The following CYP2U1 variants were observed in gnomAD, a reference collection of about 807,000 sequenced individuals.
CYP2U1 encodes the protein cytochrome P450 2U1.
In CYP2U1, 28 loss-of-function variants were observed where a neutral mutation model predicts 42.8. That is an observed-to-expected ratio of 0.65 (90% CI 0.48 to 0.90). The LOEUF is 0.90. Ranked by LOEUF, CYP2U1 falls within the 40% of genes least tolerant of loss-of-function variation. CYP2U1 has a pLI of 0.00. For synonymous variants in CYP2U1, 296 were observed against 278.9 expected (o/e 1.06, Z -0.61); for missense variants, 642 against 693.8 (o/e 0.93, Z 0.84).
rs1733965171 is a variant in CYP2U1 at position 107,953,093 on chromosome 4, G to C, written c.*2670G>C. 6.6e-6 allele frequency: 1 copy of C among 152,140 alleles called. No homozygotes were observed. The highest frequency in any genetic ancestry group is 2.4e-5 in the African/African-American group (1 of 41,424). 9.4% of individuals were successfully genotyped at this position (152,140 alleles called of 1,614,324 possible). On this transcript the variant is annotated 3_prime_UTR_variant, in exon 5 of 5. Coordinates refer to ENST00000332884, the MANE Select transcript of CYP2U1 (RefSeq NM_183075.3). ...TATGGAATTCATATGCTTTTGAATT[G>C]CACTAATAACTCAGCATTAACAAGT... is the stretch of plus-strand genomic sequence containing the variant.
intron 2 of CYP2U1, among the ~76,000 whole-genome samples, chr4:107,946,795 T>C (rs1733713097): frequency 6.6e-6 from 1 of 152,088 alleles, no homozygotes; most frequent in Non-Finnish European, 1.5e-5. Flanking sequence ...ATATGACTAT[T>C]GGCCAAGTTC....
chr4:107,937,909 C>A (rs1370234805), intron 1 of CYP2U1: 1 of 152,132 alleles, frequency 6.6e-6, no homozygotes, highest in African/African-American at 2.4e-5. Context: ...AGCATATTTT[C>A]ATATTATTAA....
chr4:107,952,727 C>T lies in CYP2U1; in HGVS notation c.*2304C>T, dbSNP rs1400812432. ...TCCTTTGATTTAGCACATTCCTAGG[C>T]AGACTTTTGCAAGCTCAAAAAATGA... On this transcript the variant is annotated 3_prime_UTR_variant, in exon 5 of 5. Coordinates refer to ENST00000332884, the MANE Select transcript of CYP2U1 (RefSeq NM_183075.3). 6.6e-6 allele frequency: 1 copy of T among 152,154 alleles called. No homozygotes were observed. The highest frequency in any genetic ancestry group is 6.5e-5 in the Admixed American group (1 of 15,276). The allele number at this position is 152,154 out of a possible 1,614,324, so 9.4% of individuals were successfully genotyped here.
chr4:107,952,962 T>C lies in CYP2U1; in HGVS notation c.*2539T>C, dbSNP rs1369881253. The stretch of plus-strand genomic sequence containing the variant: ...TTTTGAAAAAGAAAAGCTAATAGCC[T>C]AACTGCAGAGGAACTGAGTGGATGG... On this transcript the variant is annotated 3_prime_UTR_variant, in exon 5 of 5. Transcript: ENST00000332884. 1.3e-5 allele frequency: 2 copies of C among 152,174 alleles called. No individual in the cohort carries two copies. The highest frequency in any genetic ancestry group is 4.8e-5 in the African/African-American group (2 of 41,438). 9.4% of individuals were successfully genotyped at this position (152,174 alleles called of 1,614,324 possible).
chr4:107,938,013 G>T (rs1406593344), intron 1 of CYP2U1: 1 of 152,118 alleles, frequency 6.6e-6, no homozygotes, highest in Non-Finnish European at 1.5e-5. Context: ...GGTTTGAGTT[G>T]GATTTTTATG....
intron 1 of CYP2U1, among the ~76,000 whole-genome samples, chr4:107,941,927 C>A (rs961232770): frequency 1.3e-5 from 2 of 152,190 alleles, no homozygotes; most frequent in Non-Finnish European, 2.9e-5. Flanking sequence ...AAGCCATTGT[C>A]ATTCGTGAAT....
intron 3 of CYP2U1, 100 bp downstream of exon 3, chr4:107,947,637 G>T: frequency 8.5e-7 from 1 of 1,180,624 alleles, no homozygotes; most frequent in South Asian, 1.4e-5. Context: ...TGTCTAGCTT[G>T]ATCCTTCTGA....
chr4:107,931,673 G>T lies in CYP2U1; in HGVS notation c.30G>T (p.Pro10=). ...CGTCTCCGGGGCCGTCGCAGCCGCC[G>T]GCCGAGGACCCGCCCTGGCCCGCGC... is the stretch of plus-strand genomic sequence containing the variant. MSSPGPSQP[P]AEDPPWPARL... is the part of the protein sequence containing the mutation. The change falls in exon 1 of 5, where the codon CCG becomes CCT. Residue 10 remains proline, a synonymous_variant. Transcript: ENST00000332884. The T allele has an allele frequency of 7.9e-7, 1 of 1,264,376 alleles. No individual in the cohort carries two copies. The highest frequency in any genetic ancestry group is 3.1e-5 in the South Asian group (1 of 32,654). 78.3% of individuals were successfully genotyped at this position (1,264,376 alleles called of 1,614,324 possible). A position where few individuals can be genotyped will look rare whatever the true frequency, so the allele number is the denominator to read the frequency against.
intron 1 of CYP2U1, chr4:107,937,999 A>C (rs548780017): frequency 6.6e-6 from 1 of 152,106 alleles, no homozygotes; most frequent in Non-Finnish European, 1.5e-5. Context: ...TCTATACTTT[A>C]TTTGGTTTGA....
Position 107,951,399 on chromosome 4 carries a change from A to G in CYP2U1, c.*976A>G, listed in dbSNP as rs1733899923. The G allele has an allele frequency of 6.6e-6, 1 of 152,196 alleles. No homozygotes were observed. Among genetic ancestry groups the G allele is most frequent in the African/African-American group, 2.4e-5 (1 of 41,442 alleles). 9.4% of individuals were successfully genotyped at this position (152,196 alleles called of 1,614,324 possible). On this transcript the variant is annotated 3_prime_UTR_variant, in exon 5 of 5. Transcript: ENST00000332884. ...CCTGCCACCAGGCCCAATGCATCTG[A>G]TCCTTGAATATACTCTCAAAGAATT...
intron 1 of CYP2U1, among the ~76,000 whole-genome samples, chr4:107,943,889 A>G (rs973957273): frequency 6.6e-6 from 1 of 152,222 alleles, no homozygotes; most frequent in Non-Finnish European, 1.5e-5. Context: ...AACAAGGAAT[A>G]TTTGAGAACA....
rs1733663111 is a variant in CYP2U1 at position 107,945,418 on chromosome 4, C to T, written c.939C>T (p.Asn313=). The T allele has an allele frequency of 6.2e-7, 1 of 1,613,792 alleles. No individual in the cohort carries two copies. Among genetic ancestry groups the T allele is most frequent in the African/African-American group, 1.3e-5 (1 of 74,866 alleles). Reference sequence around the variant, plus strand: ...ATCAAGAGTCTCTGGATAGAGAGAACCCTCAGGACTTCATAGACATGTACC... The same window carrying T: ...ATCAAGAGTCTCTGGATAGAGAGAATCCTCAGGACTTCATAGACATGTACC... The part of the protein sequence containing the change: ...KDHQESLDRE[N]PQDFIDMYLL... The change falls in exon 2 of 5, where the codon AAC becomes AAT. Residue 313 remains asparagine (N), a synonymous_variant. Transcript: ENST00000332884.
chr4:107,946,216 G>C (rs1169207803), intron 2 of CYP2U1, among the ~76,000 whole-genome samples: 1 of 152,196 alleles, frequency 6.6e-6, no homozygotes, highest in Non-Finnish European at 1.5e-5. Context: ...TTCCTTTCTG[G>C]AGGGTCTAAA....
chr4:107,946,412 G>A (rs145875192), intron 2 of CYP2U1, among the ~76,000 whole-genome samples: 12 of 152,142 alleles, frequency 7.9e-5, no homozygotes, highest in African/African-American at 2.7e-4. Flanking sequence ...GCACACCCAG[G>A]TGACCAAGGA....
In CYP2U1 at chr4:107,933,865, T is replaced by C. The variant is rs145131526; in HGVS notation, c.490+1732T>C. ...AAAGTCTACACATTCAGTACAGATG[T>C]GTTTTTTTGATCTGCGGTTGGTGGA... On this transcript the variant is annotated intron_variant, in intron 1 of 4. Coordinates refer to ENST00000332884, the MANE Select transcript of CYP2U1 (RefSeq NM_183075.3). Among the ~76,000 whole-genome samples the C allele has an allele frequency of 4.6e-5, 7 of 152,304 alleles. No individual in the cohort carries two copies. In the East Asian group the frequency reaches 1.2e-3, roughly 25 times the overall value.
At chr4:107,936,924 T>G (rs184288034) in intron 1 of CYP2U1, among the ~76,000 whole-genome samples, 140 of 152,362 alleles carry the variant, frequency 9.2e-4, no homozygotes, top group Admixed American at 2.2e-3. Context: ...TGGTATCATA[T>G]TCTCTATTTC....
At chr4:107,938,061 C>T (rs1009820801) in intron 1 of CYP2U1, 1 of 152,146 alleles carries the variant, frequency 6.6e-6, no homozygotes, top group Admixed American at 6.5e-5. Flanking sequence ...GACAAGAATA[C>T]CTGCTTCTTC....
intron 1 of CYP2U1, among the ~76,000 whole-genome samples, chr4:107,939,526 A>G (rs926565532): frequency 7.2e-5 from 11 of 152,218 alleles, no homozygotes; most frequent in African/African-American, 2.7e-4. Flanking sequence ...GCACCACAAC[A>G]TCTGAAGACA....
intron 1 of CYP2U1, chr4:107,937,346 C>A (rs552750047): frequency 6.6e-6 from 1 of 152,254 alleles, no homozygotes; most frequent in South Asian, 2.1e-4. Flanking sequence ...TATGCACTCA[C>A]ATTGAGACGG....
Sources: allele counts gnomAD v4.1 joint callset (sites outside exome capture counted in the v4.1 genomes callset), GRCh38; gene constraint gnomAD v4.1.1; transcripts MANE v1.5; gene names NCBI Gene and HGNC (gene_info 2026-07-23, HGNC 2026-07-21).